The following CDH2 variants were observed in gnomAD, a reference collection of about 807,000 sequenced individuals.
CDH2 encodes the protein cadherin 2.
CDH2 carries 17 observed loss-of-function variants against 92.0 expected under a neutral mutation model. That is an observed-to-expected ratio of 0.18 (90% CI 0.13 to 0.28). CDH2 has a LOEUF of 0.28. CDH2 is among the 10% of genes least tolerant of loss of function. The probability of loss-of-function intolerance (pLI) is 1.00; values close to 1 mark genes in which losing one functional copy is unlikely to be tolerated. For synonymous variants in CDH2, 419 were observed against 415.9 expected (o/e 1.01, Z -0.09); for missense variants, 862 against 1,133.1 (o/e 0.76, Z 3.44).
chr18:27,989,860 A>G (rs761801775), intron 10 of CDH2, among the ~76,000 whole-genome samples: 50 of 152,322 alleles, frequency 3.3e-4, no homozygotes, highest in South Asian at 1.2e-3. Context: ...ATACAGAGAA[A>G]CAAGAACAGC....
At chr18:27,989,058 T>C (rs1251481662) in intron 10 of CDH2, among the ~76,000 whole-genome samples, 2 of 152,196 alleles carry the variant, frequency 1.3e-5, no homozygotes, top group African/African-American at 4.8e-5. Flanking sequence ...AGAGAAATTA[T>C]AATAGAAATT....
chr18:28,089,396 C>T (rs573833846), intron 2 of CDH2, among the ~76,000 whole-genome samples: 1 of 152,256 alleles, frequency 6.6e-6, no homozygotes, highest in South Asian at 2.1e-4. Context: ...TATTTCTTCA[C>T]ATTATAATTA....
intron 2 of CDH2, among the ~76,000 whole-genome samples, chr18:28,144,413 G>T (rs2144321276): frequency 6.6e-6 from 1 of 152,004 alleles, no homozygotes; most frequent in African/African-American, 2.4e-5. Context: ...AATATATTAT[G>T]AAATTAAATG....
chr18:27,999,306 T>C (rs1452402981), intron 7 of CDH2, among the ~76,000 whole-genome samples: 1 of 152,090 alleles, frequency 6.6e-6, no homozygotes, highest in Non-Finnish European at 1.5e-5. Context: ...GAATGCACTA[T>C]TAAAAAGCTC....
intron 9 of CDH2, among the ~76,000 whole-genome samples, chr18:27,991,057 T>G (rs45569136): frequency 2.0e-5 from 3 of 152,152 alleles, no homozygotes; most frequent in Admixed American, 2.0e-4. Flanking sequence ...TCTAGATAAA[T>G]GCAATGCACA....
intron 2 of CDH2, among the ~76,000 whole-genome samples, chr18:28,031,657 C>A (rs961065020): frequency 6.6e-6 from 1 of 151,870 alleles, no homozygotes; most frequent in African/African-American, 2.4e-5. Flanking sequence ...ATTTGAAATA[C>A]TGAACAATGG....
intron 2 of CDH2, among the ~76,000 whole-genome samples, chr18:28,026,861 TC>T (rs1362552929): frequency 6.6e-6 from 1 of 152,130 alleles, no homozygotes; most frequent in Non-Finnish European, 1.5e-5. Flanking sequence ...TTTCTCCCCT[TC>T]CTAGATATTC....
chr18:28,004,704 T>C (rs868773253), intron 6 of CDH2, among the ~76,000 whole-genome samples: 5 of 152,200 alleles, frequency 3.3e-5, no homozygotes, highest in African/African-American at 9.7e-5. Context: ...TGTGTTTTAG[T>C]AAGGAAATGC....
intron 14 of CDH2, among the ~76,000 whole-genome samples, chr18:27,977,656 T>C (rs928964547): frequency 1.3e-5 from 2 of 152,064 alleles, no homozygotes; most frequent in African/African-American, 4.8e-5. Flanking sequence ...ACACAGTCAT[T>C]ACCTGGCATC....
At chr18:27,967,551 C>T (rs996823525) in intron 14 of CDH2, among the ~76,000 whole-genome samples, 4 of 152,080 alleles carry the variant, frequency 2.6e-5, no homozygotes, top group South Asian at 2.1e-4. Flanking sequence ...AGAGTGGGTC[C>T]GAAAATTCTC....
intron 14 of CDH2, among the ~76,000 whole-genome samples, chr18:27,970,548 C>T (rs1435691806): frequency 1.3e-5 from 2 of 152,144 alleles, no homozygotes; most frequent in African/African-American, 4.8e-5. Context: ...AAAGTAAATA[C>T]TGCAAAGGGA....
At chr18:28,175,550 G>C (rs1185452227) in intron 1 of CDH2, among the ~76,000 whole-genome samples, 1 of 124,102 alleles carries the variant, frequency 8.1e-6, no homozygotes, top group Admixed American at 7.2e-5. Flanking sequence ...CGACCGTCTA[G>C]GGGTTGCGGG....
At position 28,151,902 on chromosome 18, in the gene CDH2, T is replaced by G. The variant is rs535388981; in HGVS notation, c.61-4118A>C. 3.3e-5 allele frequency among the ~76,000 whole-genome samples: 5 copies of G among 152,214 alleles called. No homozygotes were observed. The South Asian group carries it at 6.2e-4, about 19-fold the overall frequency. ...TGCTGCTGTTGTGCAAAAGCAGTCA[T>G]AGACAATCAGTATATGAATGAACAT... is the stretch of plus-strand genomic sequence containing the variant. On this transcript the variant is annotated intron_variant, in intron 1 of 15. Transcript: ENST00000269141.
chr18:28,079,808 G>A (rs1450194303), intron 2 of CDH2, among the ~76,000 whole-genome samples: 1 of 152,092 alleles, frequency 6.6e-6, no homozygotes, highest in Non-Finnish European at 1.5e-5. Flanking sequence ...GCTTTTTAAA[G>A]GTAAATTCCA....
chr18:28,171,225 T>TAAAAAA (rs56171991), intron 1 of CDH2, among the ~76,000 whole-genome samples: 1 of 130,412 alleles, frequency 7.7e-6, no homozygotes. Flanking sequence ...AGACTGTCTT[T>TAAAAAA]AAAAAAAAAA....
chr18:27,984,378 A>G (rs1176679777), intron 13 of CDH2, among the ~76,000 whole-genome samples: 1 of 152,198 alleles, frequency 6.6e-6, no homozygotes, highest in Admixed American at 6.5e-5. Flanking sequence ...AATTTTTTGC[A>G]TTCCATTGAA....
intron 1 of CDH2, 106 bp downstream of exon 1, chr18:28,176,857 C>G (rs1368729229): frequency 2.2e-5 from 11 of 507,790 alleles, no homozygotes; most frequent in Non-Finnish European, 2.8e-5. Context: ...TGGCACCTCC[C>G]TTCCCGGGTG....
At chr18:28,040,459 A>C (rs927942299) in intron 2 of CDH2, among the ~76,000 whole-genome samples, 1 of 152,200 alleles carries the variant, frequency 6.6e-6, no homozygotes, top group African/African-American at 2.4e-5. Flanking sequence ...AGACAATGTT[A>C]ATTTTCTTAG....
chr18:28,019,060 C>A (rs1285685935), intron 2 of CDH2, among the ~76,000 whole-genome samples: 12 of 151,872 alleles, frequency 7.9e-5, no homozygotes, highest in Admixed American at 7.9e-4. Flanking sequence ...GAAAACTAAA[C>A]CCTATGTTCT....
Sources: allele counts gnomAD v4.1 joint callset (sites outside exome capture counted in the v4.1 genomes callset), GRCh38; gene constraint gnomAD v4.1.1; transcripts MANE v1.5; gene names NCBI Gene and HGNC (gene_info 2026-07-23, HGNC 2026-07-21).